PITPNC1: variants seen among roughly 807,000 people sequenced by gnomAD.
PITPNC1 encodes cytoplasmic phosphatidylinositol transfer protein 1.
Under a neutral mutation model 44.7 loss-of-function variants are expected in PITPNC1, and 18 were observed. The ratio of observed to expected loss-of-function variants is 0.40; its 90% CI spans 0.28 to 0.60. The LOEUF (loss-of-function observed/expected upper bound fraction) is 0.60, where lower values mean the gene tolerates loss of function less well. PITPNC1 is among the 20% of genes least tolerant of loss of function. PITPNC1 has a pLI of 0.39. For missense variants in PITPNC1, 290 were observed against 418.4 expected, an observed-to-expected ratio of 0.69 and a Z score of 2.68; for synonymous variants, 141 against 149.6, an observed-to-expected ratio of 0.94 and a Z score of 0.42.
chr17:67,595,754 G>C (rs1043033877), intron 5 of PITPNC1, among the ~76,000 whole-genome samples: 5 of 151,962 alleles, frequency 3.3e-5, no homozygotes, highest in African/African-American at 7.3e-5. Flanking sequence ...CCTATTGAAG[G>C]CCTGTTTATA....
intron 4 of PITPNC1, among the ~76,000 whole-genome samples, chr17:67,576,527 C>T (rs1207246538): frequency 1.3e-5 from 2 of 152,226 alleles, no homozygotes; most frequent in African/African-American, 4.8e-5. Flanking sequence ...GTTTCCCCAA[C>T]ACCCACAGAT....
At chr17:67,382,631 T>G (rs1245928148) in intron 1 of PITPNC1, among the ~76,000 whole-genome samples, 1 of 152,114 alleles carries the variant, frequency 6.6e-6, no homozygotes, top group African/African-American at 2.4e-5. Flanking sequence ...GTTTGTTTGT[T>G]TCTTTTTCTG....
At chr17:67,509,060 T>G (rs1478450104) in intron 1 of PITPNC1, among the ~76,000 whole-genome samples, 2 of 146,026 alleles carry the variant, frequency 1.4e-5, no homozygotes, top group Non-Finnish European at 3.0e-5. Context: ...ATGGTGAAAC[T>G]CCGTCTCTAC....
At chr17:67,586,909 T>C (rs1406101384) in intron 5 of PITPNC1, among the ~76,000 whole-genome samples, 1 of 152,134 alleles carries the variant, frequency 6.6e-6, no homozygotes, top group African/African-American at 2.4e-5. Context: ...AAGATGGTGG[T>C]TTGAGCTGGA....
Position 67,444,753 on chromosome 17 carries a change from C to T in PITPNC1, c.48+66551C>T, listed in dbSNP as rs113228926. Among the ~76,000 whole-genome samples the T allele has an allele frequency of 2.6e-5, 4 of 152,002 alleles. 1 individual carries two copies. The highest frequency in any genetic ancestry group is 7.2e-5 in the African/African-American group (3 of 41,504). ...CTCTACTAAAAATACAAAAATTAGC[C>T]GAGCGTGGTGGCATGTGCCTGTAAT... On this transcript the variant is annotated intron_variant, in intron 1 of 8. Transcript: ENST00000581322.
chr17:67,401,823 A>G (rs901247077), intron 1 of PITPNC1, among the ~76,000 whole-genome samples: 1 of 152,088 alleles, frequency 6.6e-6, no homozygotes, highest in Admixed American at 6.6e-5. Context: ...AGCCTAGAAG[A>G]CAGAGTGAGA....
intron 6 of PITPNC1, among the ~76,000 whole-genome samples, chr17:67,660,240 T>C (rs1030373599): frequency 2.6e-5 from 4 of 152,184 alleles, no homozygotes; most frequent in African/African-American, 9.7e-5. Flanking sequence ...ATTATTTTAT[T>C]ATTATCTTTT....
intron 1 of PITPNC1, among the ~76,000 whole-genome samples, chr17:67,442,195 G>A (rs1350975656): frequency 4.1e-5 from 4 of 96,654 alleles, no homozygotes; most frequent in Non-Finnish European, 8.2e-5. Flanking sequence ...TGGATCAGGG[G>A]AAAATAAGCA....
chr17:67,515,409 T>C (rs562627247), intron 1 of PITPNC1, among the ~76,000 whole-genome samples: 1 of 152,342 alleles, frequency 6.6e-6, no homozygotes, highest in Non-Finnish European at 1.5e-5. Flanking sequence ...GTCCTGAATG[T>C]ATATCATTAG....
chr17:67,438,322 T>C (rs953396865), intron 1 of PITPNC1, among the ~76,000 whole-genome samples: 8 of 150,878 alleles, frequency 5.3e-5, no homozygotes, highest in African/African-American at 1.9e-4. Flanking sequence ...ACTTTTTTTT[T>C]TTTTTTTTTT....
intron 6 of PITPNC1, among the ~76,000 whole-genome samples, chr17:67,641,835 G>T (rs181080418): frequency 1.4e-4 from 21 of 147,590 alleles, no homozygotes; most frequent in Admixed American, 1.4e-3. Context: ...GCGAGTGTAC[G>T]GTGGTGCCAT....
chr17:67,423,140 C>T (rs958704694), intron 1 of PITPNC1, among the ~76,000 whole-genome samples: 11 of 152,088 alleles, frequency 7.2e-5, no homozygotes, highest in African/African-American at 2.4e-4. Context: ...TGAGTCAGCA[C>T]GTCTGCGTTA....
chr17:67,608,257 C>CAA (rs763822573), intron 5 of PITPNC1, among the ~76,000 whole-genome samples: 20 of 124,504 alleles, frequency 1.6e-4, no homozygotes, highest in African/African-American at 4.2e-4. Context: ...CAAAAAAAAA[C>CAA]AAAAAAAAAA....
chr17:67,462,900 G>A (rs1598698427), intron 1 of PITPNC1, among the ~76,000 whole-genome samples: 1 of 151,874 alleles, frequency 6.6e-6, no homozygotes, highest in Non-Finnish European at 1.5e-5. Flanking sequence ...CGGGGTTTCT[G>A]CATGTTGGTT....
chr17:67,382,784 CA>C (rs1446209272), intron 1 of PITPNC1, among the ~76,000 whole-genome samples: 2 of 151,274 alleles, frequency 1.3e-5, no homozygotes, highest in Admixed American at 6.6e-5. Context: ...ACCATCACGC[CA>C]GGCTAATTTT....
At chr17:67,583,889 GTGTGTGTT>G (rs1406411903) in intron 5 of PITPNC1, among the ~76,000 whole-genome samples, 1,333 of 130,936 alleles carry the variant, frequency 0.01, 19 homozygotes, top group African/African-American at 0.036. Flanking sequence ...GTGTGTGTGT[GTGTGTGTT>G]TGTGTGTGTG....
chr17:67,383,229 G>C lies in PITPNC1; in HGVS notation c.48+5027G>C, dbSNP rs150848785. On this transcript the variant is annotated intron_variant, in intron 1 of 8. Coordinates refer to ENST00000581322, the MANE Select transcript of PITPNC1 (RefSeq NM_012417.4). ...TCAGGCTGGTCTCGAACTCCTGAGA[G>C]TTCATGCCCGGTGAGCCATTTCATT... Among the ~76,000 whole-genome samples the C allele has an allele frequency of 7.5e-4, 114 of 152,228 alleles. 1 individual carries two copies. The highest frequency in any genetic ancestry group is 6.8e-3 in the Middle Eastern group (2 of 294).
At chr17:67,631,986 C>T (rs557826262) in intron 5 of PITPNC1, among the ~76,000 whole-genome samples, 157 bp from the exon 6 acceptor site, 10 of 151,938 alleles carry the variant, frequency 6.6e-5, no homozygotes, top group African/African-American at 2.4e-4. Flanking sequence ...GAATCAAAGC[C>T]TTCTATGATT....
At chr17:67,655,829 G>A (rs990625481) in intron 6 of PITPNC1, among the ~76,000 whole-genome samples, 2 of 151,836 alleles carry the variant, frequency 1.3e-5, no homozygotes, top group African/African-American at 4.8e-5. Flanking sequence ...TGTAATCCCA[G>A]CTAGGTGAGA....
Sources: allele counts gnomAD v4.1 joint callset (sites outside exome capture counted in the v4.1 genomes callset), GRCh38; gene constraint gnomAD v4.1.1; transcripts MANE v1.5; gene names NCBI Gene and HGNC (gene_info 2026-07-23, HGNC 2026-07-21).